GBF1: variants seen among roughly 807,000 people sequenced by gnomAD.
The protein encoded by GBF1 is golgi brefeldin A resistant guanine nucleotide exchange factor 1, also known as Golgi-specific brefeldin A-resistance guanine nucleotide exchange factor 1.
A neutral mutation model predicts 210.5 loss-of-function variants in GBF1; 114 were observed. The observed-to-expected ratio is 0.54, with a 90% CI of 0.47 to 0.63. The LOEUF (loss-of-function observed/expected upper bound fraction) is 0.63. GBF1 is among the 30% of genes least tolerant of loss of function. The pLI is 0.00. For synonymous variants in GBF1, 850 were observed against 889.2 expected (o/e 0.96, Z 0.78); for missense variants, 1,851 against 2,357.7 (o/e 0.79, Z 4.45).
chr10:102,350,641 G>A (rs1226281519), intron 4 of GBF1, among the ~76,000 whole-genome samples: 3 of 152,148 alleles, frequency 2.0e-5, no homozygotes, highest in South Asian at 4.2e-4. Flanking sequence ...TCCCCTGCTC[G>A]GTGGTGTTTA....
At chr10:102,270,109 A>T (rs563834421) in intron 3 of GBF1, among the ~76,000 whole-genome samples, 2 of 151,538 alleles carry the variant, frequency 1.3e-5, no homozygotes, top group East Asian at 3.9e-4. Context: ...TGATCTCCTG[A>T]CCTCATGATC....
At chr10:102,286,591 C>T (rs536875863) in intron 3 of GBF1, among the ~76,000 whole-genome samples, 34 of 152,202 alleles carry the variant, frequency 2.2e-4, no homozygotes, top group Admixed American at 5.9e-4. Context: ...CAGTCACTGC[C>T]TCTTCTTTAA....
chr10:102,345,778 T>A (rs983500829), intron 4 of GBF1, among the ~76,000 whole-genome samples: 1 of 152,114 alleles, frequency 6.6e-6, no homozygotes, highest in Admixed American at 6.5e-5. Flanking sequence ...CAGTTTCAGT[T>A]TACAATTCAT....
intron 29 of GBF1, among the ~76,000 whole-genome samples, chr10:102,371,238 T>C (rs895661928): frequency 6.6e-6 from 1 of 152,186 alleles, no homozygotes; most frequent in African/African-American, 2.4e-5. Flanking sequence ...TCACAGGATG[T>C]GAGATCAATA....
chr10:102,262,868 CAG>C (rs1282266928), intron 3 of GBF1, among the ~76,000 whole-genome samples: 1 of 152,104 alleles, frequency 6.6e-6, no homozygotes, highest in East Asian at 1.9e-4. Flanking sequence ...CTAGTAAAAC[CAG>C]AGTGTGTTCA....
At chr10:102,336,449 G>A (rs555886815) in intron 3 of GBF1, among the ~76,000 whole-genome samples, 2 of 152,034 alleles carry the variant, frequency 1.3e-5, no homozygotes, top group African/African-American at 2.4e-5. Context: ...TGTACCAAGT[G>A]TTTTACATGC....
the GBF1 span, among the ~76,000 whole-genome samples, chr10:102,232,926 A>T: frequency 6.6e-6 from 1 of 152,036 alleles, no homozygotes; most frequent in Non-Finnish European, 1.5e-5. Flanking sequence ...GTGAGCCTTT[A>T]CCTCATTCTC....
At chr10:102,331,977 A>G (rs1201051427) in intron 3 of GBF1, among the ~76,000 whole-genome samples, 2 of 146,556 alleles carry the variant, frequency 1.4e-5, no homozygotes, top group Non-Finnish European at 3.0e-5. Flanking sequence ...CTTCTGCCTC[A>G]GCCTCCTGAA....
intron 3 of GBF1, among the ~76,000 whole-genome samples, chr10:102,287,634 T>C (rs2076072612): frequency 6.6e-6 from 1 of 152,206 alleles, no homozygotes; most frequent in Non-Finnish European, 1.5e-5. Flanking sequence ...CATGTGGTTG[T>C]TGGCCAGAGG....
At chr10:102,237,200 A>G in the GBF1 span, among the ~76,000 whole-genome samples, 3 of 151,922 alleles carry the variant, frequency 2.0e-5, no homozygotes, top group African/African-American at 7.3e-5. Context: ...CAGGATGGAA[A>G]GATGGACCGC....
At chr10:102,329,133 A>G (rs1338220431) in intron 3 of GBF1, among the ~76,000 whole-genome samples, 1 of 152,184 alleles carries the variant, frequency 6.6e-6, no homozygotes, top group African/African-American at 2.4e-5. Flanking sequence ...TTGCCTTTCA[A>G]TATGTGCCAA....
intron 3 of GBF1, among the ~76,000 whole-genome samples, chr10:102,279,984 C>T (rs1280033422): frequency 2.0e-5 from 3 of 151,906 alleles, no homozygotes; most frequent in African/African-American, 4.8e-5. Flanking sequence ...ATTAGCCAGG[C>T]ATGGTGGCAC....
At chr10:102,252,246 G>A (rs1422659964) in intron 1 of GBF1, among the ~76,000 whole-genome samples, 1 of 151,782 alleles carries the variant, frequency 6.6e-6, no homozygotes, top group East Asian at 1.9e-4. Flanking sequence ...GTTGAGGCAG[G>A]AGAATCGCTT....
intron 9 of GBF1, 98 bp downstream of exon 9, chr10:102,358,284 G>C (rs1732871921): frequency 8.8e-7 from 1 of 1,141,174 alleles, no homozygotes; most frequent in Admixed American, 2.2e-5. Flanking sequence ...GAGGGGCTTT[G>C]GTCTTGGCGC....
chr10:102,319,114 G>A (rs531521941), intron 3 of GBF1, among the ~76,000 whole-genome samples: 2 of 152,304 alleles, frequency 1.3e-5, no homozygotes, highest in South Asian at 4.1e-4. Flanking sequence ...TCAGGAGATC[G>A]TGACTATCCT....
intron 3 of GBF1, among the ~76,000 whole-genome samples, chr10:102,326,966 T>G (rs1197724316): frequency 3.3e-5 from 5 of 152,216 alleles, no homozygotes; most frequent in African/African-American, 4.8e-5. Context: ...TCAAGAGCAT[T>G]TGGACCACCA....
At chr10:102,377,937 T>C (rs2060605546) in intron 33 of GBF1, among the ~76,000 whole-genome samples, 1 of 152,008 alleles carries the variant, frequency 6.6e-6, no homozygotes, top group Admixed American at 6.6e-5. Flanking sequence ...ATGACAAAAG[T>C]GGCTGGGCTT....
chr10:102,249,685 T>C (rs1470919473), intron 1 of GBF1, among the ~76,000 whole-genome samples: 3 of 151,886 alleles, frequency 2.0e-5, no homozygotes, highest in Admixed American at 6.6e-5. Flanking sequence ...CTTTAGTGTT[T>C]CTCTGGCTTT....
intron 4 of GBF1, 64 bp from the exon 5 acceptor site, chr10:102,351,192 G>A (rs2058949594): frequency 2.2e-6 from 2 of 916,228 alleles, no homozygotes; most frequent in African/African-American, 1.6e-5. Flanking sequence ...AGCTAGACAG[G>A]CTGCCTTACC....
Sources: gnomAD v4.1 joint callset for allele counts (sites outside exome capture counted in the v4.1 genomes callset) on GRCh38, gnomAD v4.1.1 for gene constraint, MANE v1.5 for transcripts, NCBI Gene and HGNC (gene_info 2026-07-23, HGNC 2026-07-21) for gene names.